DIAPH3: variants seen among roughly 807,000 people sequenced by gnomAD.
The protein encoded by DIAPH3 is protein diaphanous homolog 3.
Under a neutral mutation model 144.3 loss-of-function variants are expected in DIAPH3, and 117 were observed. The ratio of observed to expected loss-of-function variants is 0.81; its 90% confidence interval spans 0.70 to 0.95. The LOEUF (loss-of-function observed/expected upper bound fraction) is 0.95. DIAPH3 is among the 40% of genes least tolerant of loss of function. The pLI is 0.00. For synonymous variants in DIAPH3, 519 were observed against 488.9 expected (o/e 1.06, Z -0.81); for missense variants, 1,421 against 1,412.7 (o/e 1.01, Z -0.09).
At chr13:60,063,149 CATTT>C (rs1555367743) in intron 4 of DIAPH3, among the ~76,000 whole-genome samples, 2 of 152,224 alleles carry the variant, frequency 1.3e-5, no homozygotes, top group Non-Finnish European at 2.9e-5. Context: ...GATTCTGAAT[CATTT>C]ATTGTCATTT....
intron 20 of DIAPH3, among the ~76,000 whole-genome samples, chr13:59,896,511 T>C (rs2046106380): frequency 6.6e-6 from 1 of 152,026 alleles, no homozygotes; most frequent in Admixed American, 6.5e-5. Context: ...CATTATATGA[T>C]TTACAAACAG....
chr13:60,061,581 A>T (rs2056773950), intron 4 of DIAPH3, among the ~76,000 whole-genome samples: 1 of 151,592 alleles, frequency 6.6e-6, no homozygotes, highest in Non-Finnish European at 1.5e-5. Context: ...AAAAATTGCT[A>T]CATTTGATCA....
intron 1 of DIAPH3, among the ~76,000 whole-genome samples, chr13:60,151,351 C>G (rs1951771881): frequency 6.6e-6 from 1 of 152,042 alleles, no homozygotes; most frequent in Admixed American, 6.6e-5. Context: ...GATAATTTGC[C>G]CAAGGATATA....
At chr13:60,049,129 A>G (rs1178241377) in intron 4 of DIAPH3, among the ~76,000 whole-genome samples, 1 of 152,228 alleles carries the variant, frequency 6.6e-6, no homozygotes, top group Non-Finnish European at 1.5e-5. Flanking sequence ...AAAGGAATCA[A>G]AAAATTATGC....
At chr13:59,981,175 T>A (rs1171575310) in intron 13 of DIAPH3, among the ~76,000 whole-genome samples, 2 of 151,174 alleles carry the variant, frequency 1.3e-5, no homozygotes, top group African/African-American at 4.8e-5. Context: ...AAAAAGATGA[T>A]GTCTATAAAC....
chr13:60,078,181 T>C (rs2057437651), intron 4 of DIAPH3, among the ~76,000 whole-genome samples: 1 of 152,102 alleles, frequency 6.6e-6, no homozygotes. Flanking sequence ...TCAGTACATG[T>C]CTTTTCCTCC....
chr13:60,106,557 C>G (rs2058426720), intron 3 of DIAPH3, among the ~76,000 whole-genome samples: 1 of 152,060 alleles, frequency 6.6e-6, no homozygotes, highest in Non-Finnish European at 1.5e-5. Context: ...CTTCAGCTCC[C>G]CTTTCCCGCT....
At chr13:60,025,949 T>C (rs1388832685) in intron 5 of DIAPH3, among the ~76,000 whole-genome samples, 6 of 152,146 alleles carry the variant, frequency 3.9e-5, no homozygotes, top group Non-Finnish European at 7.4e-5. Flanking sequence ...AAGAAAAAAC[T>C]ATGCCTACAA....
intron 24 of DIAPH3, among the ~76,000 whole-genome samples, chr13:59,825,306 C>T (rs763561568): frequency 1.1e-4 from 16 of 152,090 alleles, no homozygotes; most frequent in East Asian, 3.9e-4. Context: ...TTTGTCCTTG[C>T]GATAGTTTAC....
chr13:59,825,795 A>C (rs919195098), intron 24 of DIAPH3, among the ~76,000 whole-genome samples: 18 of 152,138 alleles, frequency 1.2e-4, no homozygotes, highest in Non-Finnish European at 2.4e-4. Context: ...AGTGATGATG[A>C]GCATTTTTTC....
At position 60,112,198 on chromosome 13, in the gene DIAPH3, G is replaced by C. The variant is rs1480608637; in HGVS notation, c.214-12C>G. On this transcript the variant is annotated splice_polypyrimidine_tract_variant and intron_variant, in intron 2 of 27. Coordinates refer to ENST00000400324, the MANE Select transcript of DIAPH3 (RefSeq NM_001042517.2). ...GCAAATTTGTCCAGCTACAAAGAAA[G>C]ACAGAATGACACACGTGTAAGTATT... The C allele has an allele frequency of 2.5e-6, 4 of 1,613,606 alleles. No homozygotes were observed. Among genetic ancestry groups the C allele is most frequent in the Admixed American group, 1.7e-5 (1 of 60,012 alleles).
In DIAPH3 at chr13:59,992,557, G is replaced by C. The variant is rs763772741; in HGVS notation, c.1041C>G (p.Ala347=). 2 of 1,611,840 alleles carry C rather than the reference G, an allele frequency of 1.2e-6. No homozygotes were observed. The highest frequency in any genetic ancestry group is 2.7e-5 in the African/African-American group (2 of 74,760). Residue 347 remains alanine (A), a synonymous_variant, in exon 10 of 28, where the codon GCC becomes GCG. Coordinates refer to ENST00000400324, the MANE Select transcript of DIAPH3 (RefSeq NM_001042517.2). ...CCAAATCATCAGGAGATGTAACCAG[G>C]GCATTGATGAGCTGCATACAAGCTA... ...LQVACMQLIN[A]LVTSPDDLDF...
intron 3 of DIAPH3, among the ~76,000 whole-genome samples, chr13:60,106,841 T>C (rs2058433396): frequency 6.6e-6 from 1 of 152,152 alleles, no homozygotes; most frequent in Non-Finnish European, 1.5e-5. Flanking sequence ...TACATTTGTT[T>C]ACTTGCAAAA....
At chr13:59,992,682 C>A (rs1477913458) in intron 9 of DIAPH3, 99 bp from the exon 10 acceptor site, 5 of 940,582 alleles carry the variant, frequency 5.3e-6, no homozygotes, top group Non-Finnish European at 8.3e-6. Context: ...TATTAAATAT[C>A]TTTCCTATTA....
At chr13:59,860,446 A>G (rs1406758635) in intron 22 of DIAPH3, among the ~76,000 whole-genome samples, 1 of 152,180 alleles carries the variant, frequency 6.6e-6, no homozygotes, top group Admixed American at 6.5e-5. Flanking sequence ...TGAAATATAA[A>G]TGAAAATTGA....
chr13:60,076,869 A>G (rs1420650072), intron 4 of DIAPH3, among the ~76,000 whole-genome samples: 2 of 152,128 alleles, frequency 1.3e-5, no homozygotes. Flanking sequence ...TTACTTATTT[A>G]TTGGGCATTA....
chr13:60,003,551 A>G (rs940059900), intron 9 of DIAPH3, among the ~76,000 whole-genome samples: 3 of 149,714 alleles, frequency 2.0e-5, no homozygotes, highest in Non-Finnish European at 4.5e-5. Context: ...CTATCTATAT[A>G]TAGATAGATA....
intron 17 of DIAPH3, among the ~76,000 whole-genome samples, chr13:59,929,679 C>T (rs778914240): frequency 1.3e-4 from 19 of 150,068 alleles, no homozygotes; most frequent in Non-Finnish European, 2.1e-4. Flanking sequence ...TCTCCTGCCT[C>T]GGCCTCCTGA....
rs556365833 is a variant in DIAPH3 at position 59,841,862 on chromosome 13, T to C, written c.2738-2414A>G. Among the ~76,000 whole-genome samples, 12 of 152,284 alleles carry C rather than the reference T, an allele frequency of 7.9e-5. No homozygotes were observed. In the East Asian group the frequency reaches 1.9e-3, roughly 24 times the overall value. Reference sequence around the variant, plus strand: ...AACATCATGAAGTAGGCATTATTATTATTCCTATTTTACAGATGAGGAAAC... The same window carrying C: ...AACATCATGAAGTAGGCATTATTATCATTCCTATTTTACAGATGAGGAAAC... On this transcript the variant is annotated intron_variant, in intron 22 of 27. Coordinates refer to ENST00000400324, the MANE Select transcript of DIAPH3 (RefSeq NM_001042517.2).
Sources: allele counts gnomAD v4.1 joint callset (sites outside exome capture counted in the v4.1 genomes callset), GRCh38; gene constraint gnomAD v4.1.1; transcripts MANE v1.5; gene names NCBI Gene and HGNC (gene_info 2026-07-23, HGNC 2026-07-21).